The following COL26A1 variants were observed in gnomAD, a reference collection of about 807,000 sequenced individuals.
COL26A1 encodes the protein collagen type XXVI alpha 1 chain.
Under a neutral mutation model 59.3 loss-of-function variants are expected in COL26A1, and 41 were observed. That is an observed-to-expected ratio of 0.69 (90% CI 0.54 to 0.90). COL26A1 has a LOEUF of 0.90. COL26A1 is among the 40% of genes least tolerant of loss of function. The probability of loss-of-function intolerance (pLI) is 0.00; values close to 1 mark genes in which losing one functional copy is unlikely to be tolerated. For missense variants in COL26A1, 612 were observed against 602.3 expected (o/e 1.02, Z -0.17); for synonymous variants, 266 against 256.0 (o/e 1.04, Z -0.37).
intron 3 of COL26A1, among the ~76,000 whole-genome samples, chr7:101,521,631 A>G (rs1210241656): frequency 6.6e-6 from 1 of 152,216 alleles, no homozygotes; most frequent in Non-Finnish European, 1.5e-5. Context: ...GCAGCAGCAC[A>G]TAGGGTGACA....
At chr7:101,528,664 C>T (rs1427152349) in intron 3 of COL26A1, among the ~76,000 whole-genome samples, 3 of 152,030 alleles carry the variant, frequency 2.0e-5, no homozygotes, top group Non-Finnish European at 2.9e-5. Flanking sequence ...CCTCCTGCCT[C>T]AGCCTCCAAA....
chr7:101,399,363 CTTCT>C (rs926766940), intron 1 of COL26A1, among the ~76,000 whole-genome samples: 106 of 152,180 alleles, frequency 7.0e-4, no homozygotes, highest in African/African-American at 1.8e-3. Flanking sequence ...TTGTCTCTCT[CTTCT>C]TTCTTTCTTT....
chr7:101,498,649 C>T (rs1206787902), intron 3 of COL26A1, among the ~76,000 whole-genome samples: 1 of 152,234 alleles, frequency 6.6e-6, no homozygotes, highest in East Asian at 1.9e-4. Context: ...AGTCTCCACT[C>T]TGCACACTCT....
At chr7:101,556,844 G>T (rs1327929914) in intron 12 of COL26A1, among the ~76,000 whole-genome samples, 1 of 151,682 alleles carries the variant, frequency 6.6e-6, no homozygotes, top group East Asian at 1.9e-4. Flanking sequence ...TAGATGGATG[G>T]GTAAATGAGT....
intron 5 of COL26A1, among the ~76,000 whole-genome samples, chr7:101,542,467 G>A (rs1050071942): frequency 6.6e-6 from 1 of 152,170 alleles, no homozygotes; most frequent in African/African-American, 2.4e-5. Flanking sequence ...AGACACCTGA[G>A]GCTCAGAGAA....
At chr7:101,475,824 C>G (rs1267542205) in intron 3 of COL26A1, among the ~76,000 whole-genome samples, 2 of 142,384 alleles carry the variant, frequency 1.4e-5, no homozygotes, top group Admixed American at 1.5e-4. Flanking sequence ...TTCTTTCTCT[C>G]TCTTTCTCTC....
intron 2 of COL26A1, among the ~76,000 whole-genome samples, chr7:101,431,288 T>C (rs1185277138): frequency 6.6e-6 from 1 of 152,224 alleles, no homozygotes; most frequent in East Asian, 1.9e-4. Context: ...GGTCTCTTTC[T>C]TTTGCCCAGG....
At chr7:101,451,932 C>G (rs1395431434) in intron 3 of COL26A1, among the ~76,000 whole-genome samples, 3 of 152,080 alleles carry the variant, frequency 2.0e-5, no homozygotes, top group Non-Finnish European at 4.4e-5. Context: ...GTCTCGAACT[C>G]CCGGCCTCAG....
At position 101,414,981 on chromosome 7, in the gene COL26A1, A is replaced by G. The variant is rs117516183; in HGVS notation, c.159-4996A>G. On this transcript the variant is annotated intron_variant, in intron 1 of 12. Coordinates refer to ENST00000313669, the MANE Select transcript of COL26A1 (RefSeq NM_001278563.3). ...CTGTAGCTATGGGCAATGAAGTTTAACCTCTTAGACTTTCTTTTCCATCTG... is the reference window on the plus strand; with the variant it reads ...CTGTAGCTATGGGCAATGAAGTTTAGCCTCTTAGACTTTCTTTTCCATCTG... Among the ~76,000 whole-genome samples the G allele has an allele frequency of 8.5e-4, 130 of 152,122 alleles. 1 individual carries two copies. Among genetic ancestry groups the G allele is most frequent in the Non-Finnish European group, 1.6e-3 (107 of 67,992 alleles).
At chr7:101,489,335 C>A (rs547944198) in intron 3 of COL26A1, among the ~76,000 whole-genome samples, 8 of 152,066 alleles carry the variant, frequency 5.3e-5, no homozygotes, top group Admixed American at 5.2e-4. Context: ...AGATATATTC[C>A]ATCCTCTGTC....
chr7:101,470,359 G>T (rs1366809427), intron 3 of COL26A1, among the ~76,000 whole-genome samples: 1 of 151,982 alleles, frequency 6.6e-6, no homozygotes, highest in Non-Finnish European at 1.5e-5. Context: ...CTCCCAAAGT[G>T]CTGGGATTAC....
chr7:101,480,561 T>C (rs919806331), intron 3 of COL26A1, among the ~76,000 whole-genome samples: 2 of 152,184 alleles, frequency 1.3e-5, no homozygotes, highest in Admixed American at 6.6e-5. Context: ...AGTGTCATAG[T>C]GCAATCCTGG....
Position 101,368,144 on chromosome 7 carries a change from G to T in COL26A1, c.158+4954G>T, listed in dbSNP as rs115230009. Among the ~76,000 whole-genome samples, 660 of 152,274 alleles carry T rather than the reference G, an allele frequency of 4.3e-3. 3 individuals are homozygous for T. The highest frequency in any genetic ancestry group is 0.015 in the African/African-American group (637 of 41,552). On this transcript the variant is annotated intron_variant, in intron 1 of 12. Coordinates refer to ENST00000313669, the MANE Select transcript of COL26A1 (RefSeq NM_001278563.3). Reference sequence around the variant, plus strand: ...TAATGGGAAATTAGATCAAGAGCTTGGTTGGATCTAGTTCTTCCTCCTCCT... The same window carrying T: ...TAATGGGAAATTAGATCAAGAGCTTTGTTGGATCTAGTTCTTCCTCCTCCT...
chr7:101,364,572 CTT>C (rs10596691), intron 1 of COL26A1, among the ~76,000 whole-genome samples: 36 of 146,258 alleles, frequency 2.5e-4, no homozygotes, highest in African/African-American at 3.0e-4. Flanking sequence ...TGCTTTCTTT[CTT>C]TTTTTTTTTT....
At chr7:101,544,953 T>C (rs1230725142) in intron 6 of COL26A1, among the ~76,000 whole-genome samples, 1 of 152,172 alleles carries the variant, frequency 6.6e-6, no homozygotes, top group African/African-American at 2.4e-5. Flanking sequence ...TCCTGGGTCC[T>C]GCCGGGGAAG....
Position 101,362,930 on chromosome 7 carries a change from T to G in COL26A1, c.-103T>G. 8.0e-7 allele frequency: 1 copy of G among 1,248,078 alleles called. No homozygotes were observed. The highest frequency in any genetic ancestry group is 1.1e-6 in the Non-Finnish European group (1 of 937,736). The allele number at this position is 1,248,078 out of a possible 1,614,324, so 77.3% of individuals were successfully genotyped here. On this transcript the variant is annotated 5_prime_UTR_variant, in exon 1 of 13. Transcript: ENST00000313669. ...GCTCCGACCGCTCGCCCCGCTCCTC[T>G]CGCTGTGCTCCCGGCCGGTGCCGCG...
rs148222343 is a variant in COL26A1 at position 101,498,671 on chromosome 7, G to T, written c.386-34411G>T. The stretch of plus-strand genomic sequence containing the variant: ...ACTCTGCACACTCTGGATTTATTTC[G>T]TGATGTTGCTTTTCATTTGGAGAAG... On this transcript the variant is annotated intron_variant, in intron 3 of 12. Transcript: ENST00000313669. Among the ~76,000 whole-genome samples the T allele has an allele frequency of 9.8e-5, 15 of 152,322 alleles. No homozygotes were observed. The East Asian group carries it at 2.9e-3, about 29-fold the overall frequency.
chr7:101,447,550 G>A (rs17135418), intron 2 of COL26A1, 134 bp from the exon 3 acceptor site: 327,097 of 620,308 alleles, frequency 0.53, 90,221 homozygotes, highest in Admixed American at 0.63. Context: ...CACGGACCCC[G>A]GCAGTGGTTT....
chr7:101,392,196 CG>C (rs1220538508), intron 1 of COL26A1, among the ~76,000 whole-genome samples: 4 of 151,956 alleles, frequency 2.6e-5, no homozygotes, highest in Non-Finnish European at 5.9e-5. Context: ...GTGAGGGTGG[CG>C]GGTGCACAGG....
Sources: allele counts gnomAD v4.1 joint callset (sites outside exome capture counted in the v4.1 genomes callset), GRCh38; gene constraint gnomAD v4.1.1; transcripts MANE v1.5; gene names NCBI Gene and HGNC (gene_info 2026-07-23, HGNC 2026-07-21).